MAOB: variants seen among roughly 807,000 people sequenced by gnomAD.
MAOB encodes the protein monoamine oxidase B.
In MAOB, 15 loss-of-function variants were observed where a neutral mutation model predicts 41.9. The ratio of observed to expected loss-of-function variants is 0.36; its 90% CI spans 0.24 to 0.55. The LOEUF is 0.55. Among genes scored for constraint, MAOB ranks in the 20% least tolerant of loss-of-function variants. The pLI, the probability that MAOB is intolerant of heterozygous loss-of-function variation, is 0.86. For missense variants in MAOB, 345 were observed against 398.7 expected (o/e 0.87, Z 1.15); for synonymous variants, 167 against 144.2 (o/e 1.16, Z -1.13).
intron 1 of MAOB, among the ~76,000 whole-genome samples, chrX:43,880,581 C>T (rs763210425): frequency 8.9e-6 from 1 of 112,193 alleles, no homozygotes; most frequent in Non-Finnish European, 1.9e-5. Flanking sequence ...ATGCCTATTC[C>T]GTGGAATGTT....
At chrX:43,770,599 A>G (rs2034169963) in intron 12 of MAOB, among the ~76,000 whole-genome samples, 1 of 111,365 alleles carries the variant, frequency 9.0e-6, no homozygotes, top group Admixed American at 9.6e-5. Context: ...TATTTCTTCA[A>G]TCTATTAAAG....
chrX:43,832,256 C>G (rs2035027163), intron 3 of MAOB, among the ~76,000 whole-genome samples: 1 of 112,286 alleles, frequency 8.9e-6, no homozygotes, highest in South Asian at 3.7e-4. Flanking sequence ...GTACAATCAT[C>G]TGGATAATCT....
At chrX:43,798,180 C>T (rs1364967950) in intron 5 of MAOB, among the ~76,000 whole-genome samples, 1 of 111,632 alleles carries the variant, frequency 9.0e-6, no homozygotes, top group East Asian at 2.8e-4. Context: ...TTTTTAATTG[C>T]TGTCTCCCCC....
chrX:43,815,027 C>A (rs748159686), intron 3 of MAOB, among the ~76,000 whole-genome samples: 1 of 111,527 alleles, frequency 9.0e-6, no homozygotes, highest in South Asian at 3.8e-4. Flanking sequence ...CATGCATTGA[C>A]CTCAAAGAAT....
At chrX:43,795,087 T>C (rs2034510885) in intron 7 of MAOB, among the ~76,000 whole-genome samples, 1 of 110,528 alleles carries the variant, frequency 9.0e-6, no homozygotes, top group South Asian at 3.9e-4. Flanking sequence ...TACCTGGAGA[T>C]AACTTCTGAT....
Position 43,768,613 on chromosome X carries a change from G to A in MAOB, c.1410+41C>T, listed in dbSNP as rs2034141157. On this transcript the variant is annotated intron_variant, in intron 14 of 14. Coordinates refer to ENST00000378069, the MANE Select transcript of MAOB (RefSeq NM_000898.5). ...GCTCTTCTTGAAAATAATGGGTTTA[G>A]AGAAAAGATATCTAATTTCATGAAA... 3.6e-6 allele frequency: 4 copies of A among 1,098,514 alleles called. No homozygotes were observed. The East Asian group carries it at 1.2e-4, about 33-fold the overall frequency. 90.5% of individuals were successfully genotyped at this position (1,098,514 alleles called of 1,213,427 possible).
chrX:43,780,581 C>T lies in MAOB; in HGVS notation c.1026-186G>A, dbSNP rs151044131. Among the ~76,000 whole-genome samples, 238 of 112,165 alleles carry T rather than the reference C, an allele frequency of 2.1e-3. 4 individuals carry two copies. The South Asian group carries it at 0.041, about 19-fold the overall frequency. On this transcript the variant is annotated intron_variant, in intron 9 of 14. Coordinates refer to ENST00000378069, the MANE Select transcript of MAOB (RefSeq NM_000898.5). ...ATCAAATTTCTGACACTGAAGAGCACTTTCTAACTTCAAGGAATCAAGCGA... is the reference window on the plus strand; with the variant it reads ...ATCAAATTTCTGACACTGAAGAGCATTTTCTAACTTCAAGGAATCAAGCGA...
chrX:43,874,193 A>T (rs1004290276), intron 1 of MAOB, among the ~76,000 whole-genome samples: 1 of 112,141 alleles, frequency 8.9e-6, no homozygotes, highest in East Asian at 2.8e-4. Context: ...ATAGGTGGCA[A>T]TAGTAACAGT....
At chrX:43,876,205 C>G (rs1166101635) in intron 1 of MAOB, among the ~76,000 whole-genome samples, 1 of 111,681 alleles carries the variant, frequency 9.0e-6, no homozygotes, top group African/African-American at 3.3e-5. Context: ...AGCAATCCAC[C>G]CACCTTGGCC....
At chrX:43,803,530 T>G in intron 3 of MAOB, 126 bp from the exon 4 acceptor site, 1 of 929,343 alleles carries the variant, frequency 1.1e-6, no homozygotes, top group African/African-American at 2.1e-5. Flanking sequence ...TACACTCAAC[T>G]TTTTAGCTCC....
chrX:43,803,658 C>A (rs1036404590), intron 3 of MAOB, among the ~76,000 whole-genome samples: 8 of 111,808 alleles, frequency 7.2e-5, no homozygotes, highest in Admixed American at 1.9e-4. Flanking sequence ...GAAACTGGAG[C>A]CTTTACCATA....
intron 3 of MAOB, among the ~76,000 whole-genome samples, chrX:43,809,961 G>GTTCAATTT (rs2034721730): frequency 2.3e-4 from 25 of 109,027 alleles, no homozygotes; most frequent in African/African-American, 7.4e-4. Context: ...GCTATTGGAA[G>GTTCAATTT]GGCCGGGCGC....
chrX:43,829,899 G>A (rs1468139678), intron 3 of MAOB, among the ~76,000 whole-genome samples: 3 of 111,747 alleles, frequency 2.7e-5, no homozygotes. Context: ...CACTCACCAG[G>A]CTATTGAGCA....
chrX:43,879,844 T>C (rs1331712984), intron 1 of MAOB, among the ~76,000 whole-genome samples: 1 of 112,413 alleles, frequency 8.9e-6, no homozygotes, highest in Non-Finnish European at 1.9e-5. Context: ...AATGAAGTTC[T>C]TAAGTTATCC....
chrX:43,835,562 A>G (rs1425726135), intron 3 of MAOB, among the ~76,000 whole-genome samples: 2 of 112,368 alleles, frequency 1.8e-5, no homozygotes, highest in Non-Finnish European at 3.8e-5. Flanking sequence ...TAACAGATCT[A>G]CAGAGCATTA....
intron 8 of MAOB, among the ~76,000 whole-genome samples, chrX:43,783,138 A>G (rs1174298487): frequency 1.8e-5 from 2 of 112,345 alleles, no homozygotes; most frequent in African/African-American, 6.5e-5. Context: ...GAAGTTCTGG[A>G]CAGGGCAATC....
At chrX:43,858,796 CT>C (rs1259934603) in intron 1 of MAOB, among the ~76,000 whole-genome samples, 1 of 111,616 alleles carries the variant, frequency 9.0e-6, no homozygotes, top group Admixed American at 9.6e-5. Context: ...TGGAAAGAGG[CT>C]TTTCCTGTTA....
chrX:43,866,322 T>A (rs1349407752), intron 1 of MAOB, among the ~76,000 whole-genome samples: 7 of 112,349 alleles, frequency 6.2e-5, no homozygotes, highest in Non-Finnish European at 1.9e-5. Flanking sequence ...TTGCTTCACT[T>A]CTGACAATAA....
At chrX:43,854,912 T>C (rs1392461586) in intron 1 of MAOB, among the ~76,000 whole-genome samples, 1 of 111,913 alleles carries the variant, frequency 8.9e-6, no homozygotes, top group African/African-American at 3.3e-5. Flanking sequence ...AACTCTACTT[T>C]AAAATTCAAT....
Sources: allele counts gnomAD v4.1 joint callset (sites outside exome capture counted in the v4.1 genomes callset), GRCh38; gene constraint gnomAD v4.1.1; transcripts MANE v1.5; gene names NCBI Gene and HGNC (gene_info 2026-07-23, HGNC 2026-07-21).